Variants in SUOX observed in about 807,000 individuals in gnomAD.
The protein encoded by SUOX is sulfite oxidase, mitochondrial.
A neutral mutation model predicts 41.9 loss-of-function variants in SUOX; 39 were observed. That is an observed-to-expected ratio of 0.93 (90% CI 0.72 to 1.21). The LOEUF is 1.21. Ranked by LOEUF, SUOX falls within the 50% of genes most tolerant of loss-of-function variation. The pLI is 0.00. For synonymous variants in SUOX, 220 were observed against 268.4 expected, an observed-to-expected ratio of 0.82 and a Z score of 1.76; for missense variants, 633 against 689.5, an observed-to-expected ratio of 0.92 and a Z score of 0.92.
At chr12:56,002,512 T>C in intron 3 of SUOX, 31 bp from the exon 4 acceptor site, 1 of 1,613,786 alleles carries the variant, frequency 6.2e-7, no homozygotes, top group Non-Finnish European at 8.5e-7. Flanking sequence ...CACATGACCA[T>C]ACGTGCTACT....
At chr12:55,997,406 C>T in intron 1 of SUOX, 67 bp downstream of exon 1, 1 of 152,644 alleles carries the variant, frequency 6.6e-6, no homozygotes, top group Non-Finnish European at 1.5e-5. Flanking sequence ...GCGGAGGGGG[C>T]CTTGGTGTCC....
chr12:56,003,518 C>G (rs1197589598), intron 4 of SUOX, 100 bp from the exon 5 acceptor site: 1 of 1,212,100 alleles, frequency 8.3e-7, no homozygotes, highest in Non-Finnish European at 1.2e-6. Flanking sequence ...ACCTCGGCCT[C>G]CCAAAGTGCT....
intron 2 of SUOX, among the ~76,000 whole-genome samples, chr12:55,998,796 G>A (rs1000429845): frequency 4.0e-5 from 6 of 149,202 alleles, no homozygotes; most frequent in East Asian, 1.9e-4. Context: ...TTGCTCCATC[G>A]CCCAGGCTTT....
chr12:56,001,543 G>A (rs1021403731), intron 2 of SUOX: 3 of 154,598 alleles, frequency 1.9e-5, no homozygotes, highest in Non-Finnish European at 4.3e-5. Flanking sequence ...CATCTACTGG[G>A]GGTCGTAGAA....
Position 56,003,869 on chromosome 12 carries a change from G to A in SUOX, c.480G>A (p.Leu160=). 1 of 1,614,092 alleles carries A rather than the reference G, an allele frequency of 6.2e-7. No individual in the cohort carries two copies. Among genetic ancestry groups the A allele is most frequent in the South Asian group, 1.1e-5 (1 of 91,086 alleles). The change falls in exon 5 of 5, where the codon CTG becomes CTA. Residue 160 remains leucine (L), a synonymous_variant. Coordinates refer to ENST00000266971, the MANE Select transcript of SUOX (RefSeq NM_001032386.2). ...TGGCTCAGTACAAGATTGGGGAGCT[G>A]AATCCTGAAGACAAGGTAGCCCCCA... ...ELLAQYKIGE[L]NPEDKVAPTV...
rs748365148 is a variant in SUOX, at chr12:56,004,904, C to T, written c.1515C>T (p.Asn505=). ...APVPAGQKEL[N]IVCKAVDDGY... is the part of the protein sequence containing the mutation. Reference sequence around the variant, plus strand: ...TGCCAGCTGGACAAAAGGAACTGAACATTGTTTGTAAGGCTGTGGATGATG... The same window carrying T: ...TGCCAGCTGGACAAAAGGAACTGAATATTGTTTGTAAGGCTGTGGATGATG... Residue 505 remains asparagine, a synonymous_variant, in exon 5 of 5, where the codon AAC becomes AAT. Coordinates refer to ENST00000266971, the MANE Select transcript of SUOX (RefSeq NM_001032386.2). This position sits in a 1 kb window ranked among gnomAD's most constrained non-coding sequence, Gnocchi z 4.5. 1.8e-5 allele frequency: 29 copies of T among 1,614,058 alleles called. No individual in the cohort carries two copies. In the East Asian group the frequency reaches 2.0e-4, roughly 11 times the overall value.
chr12:56,002,322 T>TA, intron 3 of SUOX, 51 bp downstream of exon 3: 1 of 1,592,088 alleles, frequency 6.3e-7, no homozygotes, highest in Non-Finnish European at 8.6e-7. Context: ...CTGCCACCCT[T>TA]AGTGTCTTTT....
chr12:56,005,382 T>C lies in SUOX; in HGVS notation c.*355T>C, dbSNP rs886049685. On this transcript the variant is annotated 3_prime_UTR_variant, in exon 5 of 5. Coordinates refer to ENST00000266971, the MANE Select transcript of SUOX (RefSeq NM_001032386.2). ...TTTCTTTTTGGATTGTTCAGAGAAA[T>C]GTGTGTGGCATGTGTAAGAAAAGTG... is the stretch of plus-strand genomic sequence containing the variant. 3 of 576,310 alleles carry C rather than the reference T, an allele frequency of 5.2e-6. No individual in the cohort carries two copies. The highest frequency in any genetic ancestry group is 5.6e-5 in the East Asian group (2 of 35,930). The allele number at this position is 576,310 out of a possible 1,614,324, so 35.7% of individuals were successfully genotyped here.
rs552301731 is a variant in SUOX at position 55,998,058 on chromosome 12, G to A, written c.-11+335G>A. 3.2e-4 allele frequency among the ~76,000 whole-genome samples: 48 copies of A among 152,164 alleles called. No individual in the cohort carries two copies. In the South Asian group the frequency reaches 5.2e-3, roughly 16 times the overall value. On this transcript the variant is annotated intron_variant, in intron 2 of 4. Transcript: ENST00000266971. ...GGCACAGAGAAGATTGAGGTGGTCC[G>A]GGACCCTAGGTTGGGGTCCAGTTCC...
At chr12:56,003,005 C>T in intron 4 of SUOX, 2 of 329,580 alleles carry the variant, frequency 6.1e-6, no homozygotes, top group South Asian at 3.5e-5. Flanking sequence ...TGCTCTCCAG[C>T]CTGGGTGACA....
At position 56,004,633 on chromosome 12, in the gene SUOX, A is replaced by T; in HGVS notation, c.1244A>T (p.Asp415Val). ...PSVDWETVDF[D>V]SAPSIQELPV... is the part of the protein sequence containing the mutation. ...GTGGACTGGGAGACTGTAGATTTTG[A>T]CTCTGCTCCATCCATTCAGGAACTT... The change falls in exon 5 of 5, where the codon GAC becomes GTC. Residue 415 changes from aspartate (D) to valine (V), a missense_variant. Transcript: ENST00000266971. This position sits in a 1 kb window ranked among gnomAD's most constrained non-coding sequence, Gnocchi z 4.5. 6.2e-7 allele frequency: 1 copy of T among 1,613,720 alleles called. No individual in the cohort carries two copies. Among genetic ancestry groups the T allele is most frequent in the Non-Finnish European group, 8.5e-7 (1 of 1,179,774 alleles).
chr12:56,002,617 G>T lies in SUOX; in HGVS notation c.125G>T (p.Ser42Ile). ...TNDSFQPQRP[S>I]LTFSGDNSST... Reference sequence around the variant, plus strand: ...GATTCATTTCAGCCCCAGCGCCCCAGCCTCACCTTCTCTGGTGATAACTCC... The same window carrying T: ...GATTCATTTCAGCCCCAGCGCCCCATCCTCACCTTCTCTGGTGATAACTCC... The change falls in exon 4 of 5, where the codon AGC becomes ATC. Residue 42 changes from serine (S) to isoleucine (I), a missense_variant. Ser to Ile is a moderately radical substitution (Grantham distance 142). Coordinates refer to ENST00000266971, the MANE Select transcript of SUOX (RefSeq NM_001032386.2). The T allele has an allele frequency of 6.2e-7, 1 of 1,613,914 alleles. No individual in the cohort carries two copies. The highest frequency in any genetic ancestry group is 8.5e-7 in the Non-Finnish European group (1 of 1,180,010).
rs761809615 is a variant in SUOX, at chr12:56,005,450, G to T, written c.*423G>T. Reference sequence around the variant, plus strand: ...TACCTCTCCAGGTTGCCAGAGAGTTGCGAGGAGAGCAAGGGGCACAACCGT... The same window carrying T: ...TACCTCTCCAGGTTGCCAGAGAGTTTCGAGGAGAGCAAGGGGCACAACCGT... On this transcript the variant is annotated 3_prime_UTR_variant, in exon 5 of 5. Coordinates refer to ENST00000266971, the MANE Select transcript of SUOX (RefSeq NM_001032386.2). The T allele has an allele frequency of 6.8e-5, 32 of 470,930 alleles. No homozygotes were observed. The highest frequency in any genetic ancestry group is 1.9e-5 in the Non-Finnish European group (5 of 268,628). 29.2% of individuals were successfully genotyped at this position (470,930 alleles called of 1,614,324 possible). A position where few individuals can be genotyped will look rare whatever the true frequency, so the allele number is the denominator to read the frequency against.
At chr12:56,002,363 G>C in intron 3 of SUOX, 92 bp downstream of exon 3, 1 of 1,519,584 alleles carries the variant, frequency 6.6e-7, no homozygotes, top group African/African-American at 1.4e-5. Context: ...TAAGACAGTT[G>C]AGAGAGTGTG....
chr12:56,002,150 G>A lies in SUOX; in HGVS notation c.-10-62G>A, dbSNP rs530118297. On this transcript the variant is annotated intron_variant, in intron 2 of 4. Coordinates refer to ENST00000266971, the MANE Select transcript of SUOX (RefSeq NM_001032386.2). ...TGTCTTCCTCTCACCCATTCCCTTAGGCCTCCCTAATATCCCCTCCCAGGG... is the reference window on the plus strand; with the variant it reads ...TGTCTTCCTCTCACCCATTCCCTTAAGCCTCCCTAATATCCCCTCCCAGGG... 3.7e-5 allele frequency: 59 copies of A among 1,601,008 alleles called. 1 individual carries two copies. In the African/African-American group the frequency reaches 6.2e-4, roughly 17 times the overall value.
At position 55,998,427 on chromosome 12, in the gene SUOX, G is replaced by A. The variant is rs1479302595; in HGVS notation, c.-11+704G>A. ...CCATGCATGGTGGCACACGCCTGTGGTCCCCGCTACTCAGGAGGTTGAGGC... is the reference window on the plus strand; with the variant it reads ...CCATGCATGGTGGCACACGCCTGTGATCCCCGCTACTCAGGAGGTTGAGGC... On this transcript the variant is annotated intron_variant, in intron 2 of 4. Transcript: ENST00000266971. 4.0e-5 allele frequency among the ~76,000 whole-genome samples: 6 copies of A among 151,728 alleles called. 1 individual carries two copies. The highest frequency in any genetic ancestry group is 3.3e-4 in the Admixed American group (5 of 15,232).
rs1211397543 is a variant in SUOX at position 56,002,632 on chromosome 12, G to A, written c.140G>A (p.Gly47Asp). 1.4e-5 allele frequency: 23 copies of A among 1,613,826 alleles called. No homozygotes were observed. Among genetic ancestry groups the A allele is most frequent in the Non-Finnish European group, 1.8e-5 (21 of 1,179,998 alleles). ...QPQRPSLTFS[G>D]DNSSTQGWRV... is the part of the protein sequence containing the mutation. ...CAGCGCCCCAGCCTCACCTTCTCTG[G>A]TGATAACTCCAGCACCCAGGGATGG... The change falls in exon 4 of 5, where the codon GGT becomes GAT. Residue 47 changes from glycine (G) to aspartate (D), a missense_variant. Gly to Asp is a moderately conservative substitution (Grantham distance 94). Transcript: ENST00000266971.
At chr12:55,999,413 G>GTTC (rs1232105455) in intron 2 of SUOX, 1 of 173,666 alleles carries the variant, frequency 5.8e-6, no homozygotes, top group African/African-American at 2.4e-5. Context: ...GAATTGGTGG[G>GTTC]TTCTTGGTCT....
chr12:56,001,636 TGAG>T (rs1211322499), intron 2 of SUOX: 1 of 169,916 alleles, frequency 5.9e-6, no homozygotes, highest in Non-Finnish European at 1.3e-5. Context: ...ATTTCAGAGA[TGAG>T]GAAGCAAGTT....
Sources: gnomAD v4.1 joint callset for allele counts (sites outside exome capture counted in the v4.1 genomes callset) on GRCh38, gnomAD v4.1.1 for gene constraint, Gnocchi (gnomAD v3.1) non-coding constraint, MANE v1.5 for transcripts, NCBI Gene and HGNC (gene_info 2026-07-23, HGNC 2026-07-21) for gene names.